The following SLCO3A1 variants were observed in gnomAD, a reference collection of about 807,000 sequenced individuals.
The protein encoded by SLCO3A1 is solute carrier organic anion transporter family member 3A1.
Under a neutral mutation model 63.1 loss-of-function variants are expected in SLCO3A1, and 27 were observed. The ratio of observed to expected loss-of-function variants is 0.43; its 90% CI spans 0.32 to 0.59. The LOEUF (loss-of-function observed/expected upper bound fraction) is 0.59, where lower values mean the gene tolerates loss of function less well. SLCO3A1 is among the 20% of genes least tolerant of loss of function. The pLI, the probability that SLCO3A1 is intolerant of heterozygous loss-of-function variation, is 0.09. For synonymous variants in SLCO3A1, 473 were observed against 409.9 expected, an observed-to-expected ratio of 1.15 and a Z score of -1.86; for missense variants, 773 against 945.8, an observed-to-expected ratio of 0.82 and a Z score of 2.40.
chr15:91,903,641 T>A (rs1328503990), intron 1 of SLCO3A1, among the ~76,000 whole-genome samples: 1 of 152,008 alleles, frequency 6.6e-6, no homozygotes, highest in Non-Finnish European at 1.5e-5. Flanking sequence ...GTGAACAAAG[T>A]ATGGGAGGCC....
At chr15:91,922,637 T>C (rs1296334369) in intron 2 of SLCO3A1, among the ~76,000 whole-genome samples, 1 of 152,210 alleles carries the variant, frequency 6.6e-6, no homozygotes, top group Non-Finnish European at 1.5e-5. Flanking sequence ...AGAACGTGGA[T>C]TGGGTATGGA....
At chr15:91,869,255 G>C (rs1368985897) in intron 1 of SLCO3A1, among the ~76,000 whole-genome samples, 1 of 152,146 alleles carries the variant, frequency 6.6e-6, no homozygotes, top group Non-Finnish European at 1.5e-5. Flanking sequence ...TTAAAAATTA[G>C]CTGAGCATGG....
intron 1 of SLCO3A1, among the ~76,000 whole-genome samples, chr15:91,887,478 G>A (rs1051869183): frequency 6.6e-6 from 1 of 152,170 alleles, no homozygotes; most frequent in African/African-American, 2.4e-5. Flanking sequence ...ACATGGTACT[G>A]CCTGTGTGCA....
chr15:92,104,745 A>G (rs1428362139), intron 4 of SLCO3A1, among the ~76,000 whole-genome samples: 3 of 152,244 alleles, frequency 2.0e-5, no homozygotes, highest in African/African-American at 7.2e-5. Flanking sequence ...AATAAAAACA[A>G]AAATAAAGTA....
intron 1 of SLCO3A1, among the ~76,000 whole-genome samples, chr15:91,870,911 T>C (rs1170607665): frequency 6.6e-6 from 1 of 152,114 alleles, no homozygotes; most frequent in Non-Finnish European, 1.5e-5. Context: ...CTTTGGGTTC[T>C]TGATGTATTG....
intron 1 of SLCO3A1, among the ~76,000 whole-genome samples, chr15:91,884,443 G>A (rs1031860311): frequency 1.3e-5 from 2 of 151,134 alleles, no homozygotes; most frequent in Non-Finnish European, 2.9e-5. Context: ...CCTGGGAGGT[G>A]GAAGGTTGCA....
chr15:92,147,309 G>A (rs751028152), intron 8 of SLCO3A1, 150 bp downstream of exon 8: 1 of 725,866 alleles, frequency 1.4e-6, no homozygotes, highest in Non-Finnish European at 2.2e-6. Context: ...AGGCTGATAG[G>A]AATCAATTAT....
chr15:92,070,993 T>C (rs2047209203), intron 2 of SLCO3A1, among the ~76,000 whole-genome samples: 2 of 152,122 alleles, frequency 1.3e-5, no homozygotes, highest in Admixed American at 1.3e-4. Context: ...CAGCAATATA[T>C]ATGAGGCACA....
At position 92,011,386 on chromosome 15, in the gene SLCO3A1, A is replaced by T. The variant is rs140214037; in HGVS notation, c.647-83495A>T. On this transcript the variant is annotated intron_variant, in intron 2 of 9. Transcript: ENST00000318445. ...CTTCTCATGCTATTTTGAGATTACA[A>T]TGCCTTATTGTTGACTGTAGTCACC... is the stretch of plus-strand genomic sequence containing the variant. Among the ~76,000 whole-genome samples the T allele has an allele frequency of 7.9e-5, 12 of 152,292 alleles. No individual in the cohort carries two copies. In the East Asian group the frequency reaches 2.3e-3, roughly 29 times the overall value.
intron 2 of SLCO3A1, among the ~76,000 whole-genome samples, chr15:91,925,475 GTTT>G (rs76218578): frequency 3.9e-5 from 5 of 127,320 alleles, no homozygotes; most frequent in Non-Finnish European, 3.4e-5. Flanking sequence ...CCAGTACCTT[GTTT>G]TTTTTTTTTT....
At chr15:92,099,111 C>T (rs1806591022) in intron 3 of SLCO3A1, among the ~76,000 whole-genome samples, 1 of 152,256 alleles carries the variant, frequency 6.6e-6, no homozygotes, top group African/African-American at 2.4e-5. Context: ...TCCATGCAGA[C>T]TTGTCCTGAG....
rs12439297 is a variant in SLCO3A1 at position 91,916,665 on chromosome 15, G to A, written c.646+207G>A. ...TCCCAGGTGATTCTTGTGAGCGGCC[G>A]AATTTGAGCTCCACGGGGCTAGACC... On this transcript the variant is annotated intron_variant, in intron 2 of 9. Transcript: ENST00000318445. The surrounding 1 kb of genome is among the most constrained non-coding windows in gnomAD (Gnocchi z 6.2). 0.081 allele frequency among the ~76,000 whole-genome samples: 12,272 copies of A among 152,260 alleles called. 652 individuals carry two copies. The highest frequency in any genetic ancestry group is 0.13 in the East Asian group (668 of 5,170).
chr15:91,903,114 A>G (rs952462941), intron 1 of SLCO3A1, among the ~76,000 whole-genome samples: 11 of 152,162 alleles, frequency 7.2e-5, no homozygotes, highest in Non-Finnish European at 1.5e-4. Context: ...GGTGGCTCGC[A>G]CGTAGTCAGC....
intron 1 of SLCO3A1, among the ~76,000 whole-genome samples, chr15:91,857,805 G>A (rs1297738423): frequency 1.3e-5 from 2 of 152,194 alleles, no homozygotes; most frequent in African/African-American, 4.8e-5. Context: ...GACACTTCTA[G>A]ATGATTAGTT....
At chr15:91,890,153 C>T (rs1897834622) in intron 1 of SLCO3A1, among the ~76,000 whole-genome samples, 1 of 152,142 alleles carries the variant, frequency 6.6e-6, no homozygotes, top group Non-Finnish European at 1.5e-5. Flanking sequence ...AGTTATTTCC[C>T]CTCAATATTT....
At chr15:92,127,890 A>G (rs1288775245) in intron 6 of SLCO3A1, among the ~76,000 whole-genome samples, 1 of 152,146 alleles carries the variant, frequency 6.6e-6, no homozygotes, top group Non-Finnish European at 1.5e-5. Flanking sequence ...CCAAAGAGGG[A>G]AGAAGTTAAA....
At chr15:91,940,278 C>A (rs1273338564) in intron 2 of SLCO3A1, among the ~76,000 whole-genome samples, 2 of 152,100 alleles carry the variant, frequency 1.3e-5, no homozygotes, top group Non-Finnish European at 2.9e-5. Context: ...CCTGCCCTTT[C>A]TGATACACGT....
chr15:91,908,999 T>TGCAGTGAGCCGAGGTC, intron 1 of SLCO3A1, among the ~76,000 whole-genome samples: 1 of 152,290 alleles, frequency 6.6e-6, no homozygotes, highest in Admixed American at 6.5e-5. Flanking sequence ...AGACAGAGGT[T>TGCAGTGAGCCGAGGTC]GCAGTGAGCC....
chr15:91,915,446 G>A (rs1390447531), intron 1 of SLCO3A1, among the ~76,000 whole-genome samples: 1 of 152,170 alleles, frequency 6.6e-6, no homozygotes, highest in Non-Finnish European at 1.5e-5. Flanking sequence ...CGGAAGCAAA[G>A]AGCAAATGAT....
Sources: gnomAD v4.1 joint callset for allele counts (sites outside exome capture counted in the v4.1 genomes callset) on GRCh38, gnomAD v4.1.1 for gene constraint, Gnocchi (gnomAD v3.1) non-coding constraint, MANE v1.5 for transcripts, NCBI Gene and HGNC (gene_info 2026-07-23, HGNC 2026-07-21) for gene names.